FAM90A10: variants seen among roughly 807,000 people sequenced by gnomAD.
FAM90A10 encodes the protein family with sequence similarity 90 member A10, also known as protein FAM90A10.
the FAM90A10 span, among the ~76,000 whole-genome samples, chr8:7,770,548 T>C: frequency 1.6e-3 from 98 of 60,578 alleles, 28 homozygotes; most frequent in African/African-American, 6.8e-3. Flanking sequence ...CCGTATTTCC[T>C]GTTGCTTTCT....
the FAM90A10 span, chr8:7,771,555 A>T: frequency 1.9e-6 from 1 of 517,484 alleles, no homozygotes; most frequent in South Asian, 2.0e-5. Flanking sequence ...AGCGCCATCC[A>T]GGGAGGTGAG....
chr8:7,769,361 A>C, the FAM90A10 span, among the ~76,000 whole-genome samples: 4 of 103,774 alleles, frequency 3.9e-5, no homozygotes, highest in African/African-American at 1.4e-4. Context: ...CATCGGCTTC[A>C]CCATCGTGCC....
chr8:7,770,122 G>T, the FAM90A10 span: 1 of 118,212 alleles, frequency 8.5e-6, no homozygotes, highest in South Asian at 6.2e-5. Flanking sequence ...GGAAGGTGCA[G>T]AGGCGGAAAG....
the FAM90A10 span, chr8:7,770,383 G>C: frequency 1.8e-5 from 2 of 109,192 alleles, 1 homozygote; most frequent in Non-Finnish European, 3.0e-5. Flanking sequence ...CCGGGCCCCT[G>C]GTCCTTTTCT....
At chr8:7,770,571 A>G in the FAM90A10 span, among the ~76,000 whole-genome samples, 3 of 53,824 alleles carry the variant, frequency 5.6e-5, 1 homozygote, top group African/African-American at 2.4e-4. Context: ...CTGTCCAATT[A>G]TGGCAAGCCT....
the FAM90A10 span, among the ~76,000 whole-genome samples, chr8:7,770,616 A>T: frequency 3.3e-5 from 1 of 30,218 alleles, no homozygotes; most frequent in Non-Finnish European, 6.3e-5. Flanking sequence ...TGAGGAAATT[A>T]GTCCCTCAGA....
the FAM90A10 span, chr8:7,771,448 C>T: frequency 2.2e-6 from 1 of 454,352 alleles, no homozygotes; most frequent in Non-Finnish European, 3.5e-6. Context: ...CCAATCTCAG[C>T]TTCGGGCCGG....
At chr8:7,770,243 G>A in the FAM90A10 span, 1 of 138,690 alleles carries the variant, frequency 7.2e-6, no homozygotes. Flanking sequence ...ACCTTTTTCT[G>A]TTCTGCAGGC....
At chr8:7,769,800 A>C in the FAM90A10 span, 1 of 494,610 alleles carries the variant, frequency 2.0e-6, no homozygotes, top group Non-Finnish European at 3.4e-6. Context: ...CAAGGTGAGC[A>C]GTGGGAGGGG....
the FAM90A10 span, among the ~76,000 whole-genome samples, chr8:7,770,583 CCAA>C: frequency 2.0e-5 from 1 of 49,140 alleles, no homozygotes; most frequent in Non-Finnish European, 3.7e-5. Context: ...GGCAAGCCTG[CCAA>C]CAACACGTTC....
the FAM90A10 span, among the ~76,000 whole-genome samples, chr8:7,769,385 A>T: frequency 9.3e-6 from 1 of 108,076 alleles, no homozygotes; most frequent in Non-Finnish European, 1.9e-5. Context: ...TGGAACCTTG[A>T]GTCCTTCCTT....
chr8:7,769,892 CA>C, the FAM90A10 span: 2 of 327,382 alleles, frequency 6.1e-6, no homozygotes, highest in African/African-American at 7.8e-5. Flanking sequence ...GTCTCCGGGC[CA>C]GGGAAGGAGC....
the FAM90A10 span, among the ~76,000 whole-genome samples, chr8:7,770,674 G>C: frequency 3.4e-4 from 2 of 5,886 alleles, no homozygotes; most frequent in Admixed American, 3.3e-3. Context: ...CATGTGTTCA[G>C]AGAAGACGTC....
the FAM90A10 span, among the ~76,000 whole-genome samples, chr8:7,769,412 A>G: frequency 6.5e-4 from 73 of 111,590 alleles, 12 homozygotes; most frequent in African/African-American, 1.8e-3. Context: ...TTCCTCCGTC[A>G]CAAGGGCTTT....
the FAM90A10 span, chr8:7,771,539 C>T: frequency 2.0e-6 from 1 of 494,312 alleles, no homozygotes; most frequent in South Asian, 2.1e-5. Context: ...CTTCCAGATC[C>T]CCGAAAGCGC....
At chr8:7,771,054 C>T in the FAM90A10 span, 2 of 264,762 alleles carry the variant, frequency 7.6e-6, no homozygotes, top group South Asian at 7.6e-5. Context: ...CCGGTCCACA[C>T]AACCAGTAAG....
the FAM90A10 span, chr8:7,770,469 C>G: frequency 1.8e-5 from 3 of 170,190 alleles, 1 homozygote; most frequent in African/African-American, 1.4e-4. Context: ...TCTTTCTTGC[C>G]TTCTTGGGGT....
the FAM90A10 span, chr8:7,770,256 C>G: frequency 6.9e-6 from 1 of 144,040 alleles, no homozygotes; most frequent in Non-Finnish European, 1.1e-5. Flanking sequence ...CTGCAGGCAA[C>G]AAGACCCGCA....
At chr8:7,770,477 G>C in the FAM90A10 span, 1 of 175,632 alleles carries the variant, frequency 5.7e-6, no homozygotes, top group African/African-American at 6.9e-5. Flanking sequence ...GCCTTCTTGG[G>C]GTCAGGGACT....
Sources: allele counts gnomAD v4.1 joint callset (sites outside exome capture counted in the v4.1 genomes callset), GRCh38; gene constraint gnomAD v4.1.1; transcripts MANE v1.5; gene names NCBI Gene and HGNC (gene_info 2026-07-23, HGNC 2026-07-21).